The following TTN variants were observed in gnomAD, a reference collection of about 807,000 sequenced individuals.
The protein encoded by TTN is titin, also known as connectin.
Under a neutral mutation model 3,223.0 loss-of-function variants are expected in TTN, and 1,525 were observed. The observed-to-expected ratio is 0.47, with a 90% CI of 0.45 to 0.49. The LOEUF is 0.49. Ranked by LOEUF, TTN falls within the 20% of genes least tolerant of loss-of-function variation. TTN has a pLI of 0.00. For missense variants in TTN, 40,786 were observed against 43,424.0 expected, an observed-to-expected ratio of 0.94 and a Z score of 5.40; for synonymous variants, 14,094 against 15,161.0, an observed-to-expected ratio of 0.93 and a Z score of 5.17.
chr2:178,782,254 A>G lies in TTN; in HGVS notation c.3338T>C (p.Val1113Ala), dbSNP rs763409137. ...AGGAACACCAGATTTTTTCCAGTAT[A>G]CATGGGGCTTTGGGTTGCCGCCAAC... ...CQVGGNPKPH[V>A]YWKKSGVPLT... The change falls in exon 20 of 363, where the codon GTA (valine) becomes GCA (alanine). Residue 1113 changes from valine to alanine, a missense_variant. Transcript: ENST00000589042. 15 of 1,614,126 alleles carry G rather than the reference A, an allele frequency of 9.3e-6. No individual in the cohort carries two copies. The highest frequency in any genetic ancestry group is 1.3e-5 in the Non-Finnish European group (15 of 1,179,988).
chr2:178,529,245 A>G (rs1398021799), intron 359 of TTN, 26 bp from the exon 360 acceptor site: 4 of 1,414,046 alleles, frequency 2.8e-6, no homozygotes, highest in African/African-American at 1.4e-5. Context: ...CTGTAAGGCA[A>G]ACTTAATTAG....
chr2:178,665,587 C>A lies in TTN; in HGVS notation c.35959+121G>T, dbSNP rs547038837. 1.1e-3 allele frequency: 1,387 copies of A among 1,312,560 alleles called. 5 individuals are homozygous for A. Among genetic ancestry groups the A allele is most frequent in the Middle Eastern group, 2.9e-3 (11 of 3,776 alleles). The allele number at this position is 1,312,560 out of a possible 1,614,324, so 81.3% of individuals were successfully genotyped here. A position where few individuals can be genotyped will look rare whatever the true frequency, so the allele number is the denominator to read the frequency against. On this transcript the variant is annotated intron_variant, in intron 164 of 362. Coordinates refer to ENST00000589042, the MANE Select transcript of TTN (RefSeq NM_001267550.2). ...CCTTTAAAGAATCTGAGGAGGTATA[C>A]AATCTTGAGGAGAGGAACCACATAT...
rs368033114 is a variant in TTN at position 178,725,841 on chromosome 2, G to T, written c.20481C>A (p.Asp6827Glu). 6.2e-6 allele frequency: 10 copies of T among 1,613,288 alleles called. No individual in the cohort carries two copies. The highest frequency in any genetic ancestry group is 1.7e-4 in the Middle Eastern group (1 of 6,050). ...GTGCTTTGCAGTGGTATTCACCGAT[G>T]TCTGAAGTGTCCACATTGAGAATGT... ...SIHILNVDTS[D>E]IGEYHCKAQN... Residue 6827 changes from aspartate to glutamate, a missense_variant, in exon 70 of 363, where the codon GAC (aspartate) becomes GAA (glutamate). Transcript: ENST00000589042.
intron 142 of TTN, 141 bp downstream of exon 142, chr2:178,679,198 C>T: frequency 2.5e-6 from 2 of 811,718 alleles, no homozygotes; most frequent in East Asian, 2.7e-5. Context: ...GGGTAAACTG[C>T]TCCTGTGGCC....
In TTN at chr2:178,567,045, C is replaced by T; in HGVS notation, c.79087G>A (p.Ala26363Thr). The change falls in exon 326 of 363, where the codon GCT becomes ACT. Residue 26363 changes from alanine to threonine, a missense_variant. Coordinates refer to ENST00000589042, the MANE Select transcript of TTN (RefSeq NM_001267550.2). ...TCTCCAACACCATATTTGTTGACAG[C>T]CATTATACGGAAAACATATTCATTA... ...EGNEYVFRIM[A>T]VNKYGVGEPL... The T allele has an allele frequency of 6.2e-7, 1 of 1,613,564 alleles. No homozygotes were observed. The highest frequency in any genetic ancestry group is 8.5e-7 in the Non-Finnish European group (1 of 1,179,640).
intron 47 of TTN, chr2:178,749,336 A>G (rs745312179): frequency 6.2e-7 from 1 of 1,612,656 alleles, no homozygotes; most frequent in African/African-American, 1.3e-5. Flanking sequence ...CTGACATTGT[A>G]TGAATTCAGC....
At position 178,704,496 on chromosome 2, in the gene TTN, C is replaced by T; in HGVS notation, c.29962+14G>A. The T allele has an allele frequency of 6.2e-7, 1 of 1,600,376 alleles. No individual in the cohort carries two copies. The highest frequency in any genetic ancestry group is 8.5e-7 in the Non-Finnish European group (1 of 1,172,782). On this transcript the variant is annotated intron_variant, in intron 105 of 362. Transcript: ENST00000589042. ...TAAATCTCACAAGTATTTCATAAGC[C>T]TTTTCTAACTTACCAATTACAGTTA...
chr2:178,651,422 C>T (rs542579943), intron 207 of TTN, 31 bp downstream of exon 207: 2 of 1,603,434 alleles, frequency 1.2e-6, no homozygotes, highest in South Asian at 1.1e-5. Flanking sequence ...GCTCCATCCG[C>T]CCCCATCAAA....
chr2:178,671,359 AAC>A lies in TTN; in HGVS notation c.35228-191_35228-190del, dbSNP rs145546236. ...ATATTGTAATTTGCTATATATGCTA[AAC>A]ACACACACACACACATTCCTTCATA... On this transcript the variant is annotated intron_variant, in intron 155 of 362. Transcript: ENST00000589042. Among the ~76,000 whole-genome samples the A allele has an allele frequency of 1.5e-3, 229 of 150,752 alleles. 1 individual carries two copies. The South Asian group carries it at 0.016, about 11-fold the overall frequency.
chr2:178,565,671 G>A lies in TTN; in HGVS notation c.80461C>T (p.Pro26821Ser), dbSNP rs560861418. 6 of 1,613,542 alleles carry A rather than the reference G, an allele frequency of 3.7e-6. No individual in the cohort carries two copies. In the South Asian group the frequency reaches 4.4e-5, roughly 12 times the overall value. The change falls in exon 326 of 363, where the codon CCC (proline) becomes TCC (serine). Residue 26821 changes from proline to serine, a missense_variant. By Grantham distance (74) the Pro-to-Ser change is moderately conservative (BLOSUM62 -1). Transcript: ENST00000589042. ...ATGCTCCATTTTTCAGTTCCTTTGG[G>A]CTGCATTTCAACAACGTACCCCAGG... is the stretch of plus-strand genomic sequence containing the variant. The part of the protein sequence containing the change: ...RVLGYVVEMQ[P>S]KGTEKWSIVA...
At position 178,534,832 on chromosome 2, in the gene TTN, T is replaced by C. The variant is rs772264395; in HGVS notation, c.101783A>G (p.Gln33928Arg). Residue 33928 changes from glutamine to arginine, a missense_variant, in exon 358 of 363, where the codon CAG (glutamine) becomes CGG (arginine). Physicochemically the swap from Gln to Arg is conservative, Grantham distance 43 (BLOSUM62 1). Transcript: ENST00000589042. ...TCCAATATTATGACTGTGTAAAAAC[T>C]GAAGTGCTTCACAGACCTGGTGAAC... ...SYVHQVCEAL[Q>R]FLHSHNIGHF... The C allele has an allele frequency of 6.8e-6, 11 of 1,609,910 alleles. No individual in the cohort carries two copies. Among genetic ancestry groups the C allele is most frequent in the African/African-American group, 1.3e-5 (1 of 74,924 alleles).
Position 178,802,291 on chromosome 2 carries a change from T to C in TTN, c.142A>G (p.Thr48Ala). 4 of 1,614,036 alleles carry C rather than the reference T, an allele frequency of 2.5e-6. No homozygotes were observed. The highest frequency in any genetic ancestry group is 1.3e-5 in the African/African-American group (1 of 75,014). Residue 48 changes from threonine (T) to alanine (A), a missense_variant, in exon 3 of 363, where the codon ACT (threonine) becomes GCT (alanine). Physicochemically the swap from Thr to Ala is moderately conservative, Grantham distance 58. Coordinates refer to ENST00000589042, the MANE Select transcript of TTN (RefSeq NM_001267550.2). Reference protein sequence around the residue: ...SWFRDGQVISTSTLPGVQISF... With the variant: ...SWFRDGQVISASTLPGVQISF... ...ATCTGCACGCCGGGCAGAGTGGAAG[T>C]GGAAATCACCTGGCCATCCCTAAAC...
rs776743138 is a variant in TTN, at chr2:178,539,011, T to A, written c.98924A>T (p.Gln32975Leu). Reference protein sequence around the residue: ...DAEYQFRIIAQNDVGLSETSP... With the variant: ...DAEYQFRIIALNDVGLSETSP... ...GGTCTCACTCAGGCCAACATCATTC[T>A]GTGCGATGATGCGGAACTGATACTC... Residue 32975 changes from glutamine to leucine, a missense_variant, in exon 353 of 363, where the codon CAG becomes CTG. Gln to Leu is a moderately radical substitution (Grantham distance 113). Coordinates refer to ENST00000589042, the MANE Select transcript of TTN (RefSeq NM_001267550.2). The A allele has an allele frequency of 2.7e-5, 44 of 1,613,674 alleles. No homozygotes were observed. The highest frequency in any genetic ancestry group is 3.4e-5 in the Non-Finnish European group (40 of 1,179,732).
chr2:178,793,692 C>T, intron 8 of TTN, 151 bp from the exon 9 acceptor site: 1 of 1,111,852 alleles, frequency 9.0e-7, no homozygotes, highest in Non-Finnish European at 1.3e-6. Flanking sequence ...CCCAGCTACT[C>T]ACGAGACTGA....
chr2:178,580,374 G>C lies in TTN; in HGVS notation c.67005C>G (p.Thr22335=), dbSNP rs1206593826. The C allele has an allele frequency of 2.5e-6, 4 of 1,613,034 alleles. No individual in the cohort carries two copies. The highest frequency in any genetic ancestry group is 2.7e-5 in the African/African-American group (2 of 74,848). ...CCTTTTTACCACAGCTGTTCTCCAGGGTTAAGATATATTTTCCTGCATCAT... is the reference window on the plus strand; with the variant it reads ...CCTTTTTACCACAGCTGTTCTCCAGCGTTAAGATATATTTTCCTGCATCAT... ...NKYDAGKYIL[T]LENSCGKKEY... is the part of the protein sequence containing the mutation. Residue 22335 remains threonine (T), a synonymous_variant, in exon 317 of 363, where the codon ACC becomes ACG. Transcript: ENST00000589042.
intron 34 of TTN, 179 bp from the exon 35 acceptor site, chr2:178,770,854 A>C (rs527885342): frequency 1.1e-6 from 1 of 884,120 alleles, no homozygotes; most frequent in Non-Finnish European, 1.9e-6. Flanking sequence ...CTGGGATCCA[A>C]CTGGACATGT....
chr2:178,709,420 C>T, intron 99 of TTN, 146 bp downstream of exon 99: 1 of 793,850 alleles, frequency 1.3e-6, no homozygotes, highest in Non-Finnish European at 1.8e-6. Context: ...TTTTAGTAAA[C>T]ATATGGAGTG....
At chr2:178,619,466 T>C in intron 250 of TTN, 155 bp downstream of exon 250, 1 of 858,432 alleles carries the variant, frequency 1.2e-6, no homozygotes, top group Non-Finnish European at 1.8e-6. Context: ...CTCAAGACAC[T>C]TACTTTGTAG....
intron 6 of TTN, 101 bp from the exon 7 acceptor site, chr2:178,795,353 T>A: frequency 9.1e-7 from 1 of 1,103,720 alleles, no homozygotes; most frequent in Non-Finnish European, 1.4e-6. Context: ...GGCAGAGTTT[T>A]AAAATGTGTG....
Sources: gnomAD v4.1 joint callset for allele counts (sites outside exome capture counted in the v4.1 genomes callset) on GRCh38, gnomAD v4.1.1 for gene constraint, MANE v1.5 for transcripts, NCBI Gene and HGNC (gene_info 2026-07-23, HGNC 2026-07-21) for gene names.